Variants in PRKG1 observed in about 807,000 individuals in gnomAD.
The protein encoded by PRKG1 is cGMP-dependent protein kinase 1.
In PRKG1, 35 loss-of-function variants were observed where a neutral mutation model predicts 88.1. The observed-to-expected ratio is 0.40, with a 90% confidence interval of 0.30 to 0.53. The LOEUF is 0.53. Among genes scored for constraint, PRKG1 ranks in the 20% least tolerant of loss-of-function variants. The probability of loss-of-function intolerance (pLI) is 0.59; values close to 1 mark genes in which losing one functional copy is unlikely to be tolerated. For missense variants in PRKG1, 540 were observed against 839.8 expected, an observed-to-expected ratio of 0.64 and a Z score of 4.41; for synonymous variants, 303 against 292.5, an observed-to-expected ratio of 1.04 and a Z score of -0.37.
intron 2 of PRKG1, among the ~76,000 whole-genome samples, chr10:51,198,366 T>G (rs1221611911): frequency 1.3e-5 from 2 of 152,194 alleles, no homozygotes; most frequent in East Asian, 3.9e-4. Context: ...GGGAAGATAT[T>G]TGGACTGCAT....
intron 2 of PRKG1, among the ~76,000 whole-genome samples, chr10:51,264,161 G>C (rs1395437531): frequency 6.6e-6 from 1 of 152,154 alleles, no homozygotes; most frequent in Non-Finnish European, 1.5e-5. Context: ...CCACCTGTAT[G>C]AGATTGAAAA....
At chr10:51,426,401 A>G (rs1838587286) in intron 2 of PRKG1, among the ~76,000 whole-genome samples, 1 of 152,216 alleles carries the variant, frequency 6.6e-6, no homozygotes, top group Non-Finnish European at 1.5e-5. Flanking sequence ...ATGGAGATGA[A>G]TACGAATGAG....
At chr10:51,896,455 T>A (rs1276006075) in intron 4 of PRKG1, among the ~76,000 whole-genome samples, 1 of 151,814 alleles carries the variant, frequency 6.6e-6, no homozygotes, top group African/African-American at 2.4e-5. Flanking sequence ...ATGCCTGTAA[T>A]CTCAATACTT....
At chr10:51,912,437 A>T (rs35104604) in intron 5 of PRKG1, among the ~76,000 whole-genome samples, 14,298 of 152,258 alleles carry the variant, frequency 0.094, 949 homozygotes, top group Non-Finnish European at 0.15. Flanking sequence ...GGGAAAGGCC[A>T]GTTAGAGGGC....
intron 9 of PRKG1, among the ~76,000 whole-genome samples, chr10:52,186,991 T>C (rs1317538290): frequency 1.3e-5 from 2 of 152,212 alleles, no homozygotes; most frequent in African/African-American, 4.8e-5. Context: ...TTAATACAAA[T>C]GTTAGACTAA....
chr10:52,147,737 A>C (rs1564489747), intron 8 of PRKG1, among the ~76,000 whole-genome samples: 1 of 152,144 alleles, frequency 6.6e-6, no homozygotes, highest in Non-Finnish European at 1.5e-5. Context: ...AATTCAAGAG[A>C]GATTGCAAAG....
intron 2 of PRKG1, among the ~76,000 whole-genome samples, chr10:51,411,782 T>C (rs1300978464): frequency 6.6e-6 from 1 of 152,164 alleles, no homozygotes; most frequent in Admixed American, 6.5e-5. Flanking sequence ...GAATATTTTA[T>C]GACTATATTT....
At chr10:52,064,784 C>T (rs1305290137) in intron 7 of PRKG1, among the ~76,000 whole-genome samples, 1 of 152,180 alleles carries the variant, frequency 6.6e-6, no homozygotes, top group African/African-American at 2.4e-5. Flanking sequence ...CTCCTGCTGG[C>T]TCCATGGGTG....
At chr10:52,118,329 G>A (rs1847737059) in intron 7 of PRKG1, among the ~76,000 whole-genome samples, 1 of 151,846 alleles carries the variant, frequency 6.6e-6, no homozygotes, top group Admixed American at 6.6e-5. Context: ...AAACTCTTTA[G>A]AATCAAATAA....
chr10:51,261,199 T>G (rs1433584235), intron 2 of PRKG1, among the ~76,000 whole-genome samples: 1 of 152,224 alleles, frequency 6.6e-6, no homozygotes, highest in African/African-American at 2.4e-5. Context: ...AGTATTATTA[T>G]TTTCAATGGG....
intron 2 of PRKG1, among the ~76,000 whole-genome samples, chr10:51,349,336 T>C (rs1234800377): frequency 1.3e-5 from 2 of 152,136 alleles, no homozygotes; most frequent in Non-Finnish European, 2.9e-5. Context: ...TCTGACCTAA[T>C]TGTAAAAGCA....
chr10:51,362,832 T>C (rs1342359764), intron 2 of PRKG1, among the ~76,000 whole-genome samples: 3 of 151,844 alleles, frequency 2.0e-5, no homozygotes, highest in Non-Finnish European at 4.4e-5. Context: ...CCTGTGTCCA[T>C]GTGTTCTCAT....
chr10:51,521,084 C>G (rs1841724811), intron 3 of PRKG1, among the ~76,000 whole-genome samples: 1 of 152,184 alleles, frequency 6.6e-6, no homozygotes, highest in Non-Finnish European at 1.5e-5. Context: ...GGTCGGGGTT[C>G]AAAACCAGCC....
intron 1 of PRKG1, among the ~76,000 whole-genome samples, chr10:51,106,551 TC>T (rs1449112236): frequency 6.6e-6 from 1 of 152,164 alleles, no homozygotes; most frequent in African/African-American, 2.4e-5. Flanking sequence ...AGGGGAAAAG[TC>T]TGTGCCCGCC....
At position 52,041,290 on chromosome 10, in the gene PRKG1, C is replaced by T. The variant is rs199548955; in HGVS notation, c.763-13194C>T. ...GTGATGAATCACTTTTATTGATTGACAATGTTGAACCATCCCTGCATCCTT... is the reference window on the plus strand; with the variant it reads ...GTGATGAATCACTTTTATTGATTGATAATGTTGAACCATCCCTGCATCCTT... On this transcript the variant is annotated intron_variant, in intron 5 of 17. Transcript: ENST00000373980. Among the ~76,000 whole-genome samples, 10 of 152,306 alleles carry T rather than the reference C, an allele frequency of 6.6e-5. No individual in the cohort carries two copies. The East Asian group carries it at 1.9e-3, about 29-fold the overall frequency.
chr10:51,885,770 A>G (rs10762466), intron 4 of PRKG1, among the ~76,000 whole-genome samples: 1 of 151,864 alleles, frequency 6.6e-6, no homozygotes, highest in African/African-American at 2.4e-5. Flanking sequence ...GATGTTTCCT[A>G]TTCCTTTCCT....
rs2132352332 is a variant in PRKG1 at position 52,231,483 on chromosome 10, A to T, written c.1077-20087A>T. ...TATCAATATGTTTAAAAGATTCCAG[A>T]TCTAGAAAGTATCCCATTCAGCTTA... On this transcript the variant is annotated intron_variant, in intron 9 of 17. Transcript: ENST00000373980. 2 of 152,288 alleles carry T rather than the reference A, an allele frequency of 1.3e-5. 1 individual carries two copies. Among genetic ancestry groups the T allele is most frequent in the South Asian group, 4.2e-4 (2 of 4,814 alleles). The allele number at this position is 152,288 out of a possible 1,614,324, so 9.4% of individuals were successfully genotyped here. A position where few individuals can be genotyped will look rare whatever the true frequency, so the allele number is the denominator to read the frequency against.
At chr10:51,248,416 GCT>G (rs1014555324) in intron 2 of PRKG1, among the ~76,000 whole-genome samples, 15 of 151,666 alleles carry the variant, frequency 9.9e-5, no homozygotes, top group Non-Finnish European at 1.5e-5. Context: ...TAAAAAAATC[GCT>G]CTTTTAGACC....
intron 3 of PRKG1, among the ~76,000 whole-genome samples, chr10:51,599,785 C>T (rs1838550988): frequency 6.6e-6 from 1 of 152,198 alleles, no homozygotes; most frequent in African/African-American, 2.4e-5. Flanking sequence ...GCTATAACAA[C>T]TTGATGTAGC....
Sources: gnomAD v4.1 joint callset for allele counts (sites outside exome capture counted in the v4.1 genomes callset) on GRCh38, gnomAD v4.1.1 for gene constraint, MANE v1.5 for transcripts, NCBI Gene and HGNC (gene_info 2026-07-23, HGNC 2026-07-21) for gene names.